Variants in ROBO2 observed in about 807,000 individuals in gnomAD.
ROBO2 encodes roundabout guidance receptor 2.
In ROBO2, 53 loss-of-function variants were observed where a neutral mutation model predicts 160.8. The observed-to-expected ratio is 0.33, with a 90% confidence interval of 0.26 to 0.41. The LOEUF (loss-of-function observed/expected upper bound fraction) is 0.41, where lower values mean the gene tolerates loss of function less well. ROBO2 is among the 10% of genes least tolerant of loss of function. ROBO2 has a pLI of 1.00. For missense variants in ROBO2, 1,577 were observed against 1,722.4 expected, an observed-to-expected ratio of 0.92 and a Z score of 1.49; for synonymous variants, 664 against 611.7, an observed-to-expected ratio of 1.09 and a Z score of -1.26.
chr3:76,940,930 T>C (rs2078145951), intron 2 of ROBO2, among the ~76,000 whole-genome samples: 1 of 152,244 alleles, frequency 6.6e-6, no homozygotes, highest in East Asian at 1.9e-4. Context: ...TGCTTGACTT[T>C]GGCATTTGAA....
chr3:77,397,907 A>G (rs2075428756), intron 2 of ROBO2, among the ~76,000 whole-genome samples: 2 of 152,116 alleles, frequency 1.3e-5, no homozygotes, highest in African/African-American at 4.8e-5. Flanking sequence ...TTAAAGAAAA[A>G]TTAGGAGCAA....
intron 19 of ROBO2, among the ~76,000 whole-genome samples, chr3:77,598,288 T>C (rs2094351283): frequency 2.0e-5 from 3 of 151,752 alleles, no homozygotes; most frequent in African/African-American, 7.3e-5. Flanking sequence ...AAGTTGTATT[T>C]CAAATAATGA....
intron 2 of ROBO2, among the ~76,000 whole-genome samples, chr3:76,413,330 C>A (rs1022672242): frequency 1.3e-5 from 2 of 152,222 alleles, no homozygotes; most frequent in Non-Finnish European, 2.9e-5. Flanking sequence ...GCTATGGACT[C>A]CTGCTACTTA....
chr3:77,470,625 A>G (rs1232109377), intron 2 of ROBO2, among the ~76,000 whole-genome samples: 1 of 152,232 alleles, frequency 6.6e-6, no homozygotes, highest in Non-Finnish European at 1.5e-5. Flanking sequence ...TAAAAGTGTC[A>G]TTATATGTGC....
chr3:76,284,030 C>A (rs980758014), intron 2 of ROBO2, among the ~76,000 whole-genome samples: 2 of 151,964 alleles, frequency 1.3e-5, no homozygotes, highest in Admixed American at 6.6e-5. Flanking sequence ...AAATAAATGA[C>A]CCTACCATTC....
chr3:75,969,793 C>G (rs1043013471), intron 2 of ROBO2, among the ~76,000 whole-genome samples: 1 of 151,502 alleles, frequency 6.6e-6, no homozygotes, highest in Non-Finnish European at 1.5e-5. Flanking sequence ...ATATCAACCC[C>G]TATCTGACAT....
intron 2 of ROBO2, among the ~76,000 whole-genome samples, chr3:77,443,728 A>T (rs2080188211): frequency 6.6e-6 from 1 of 152,168 alleles, no homozygotes; most frequent in Admixed American, 6.6e-5. Context: ...AAAAGACATT[A>T]AATCCTCTAA....
intron 2 of ROBO2, among the ~76,000 whole-genome samples, chr3:77,031,262 G>T (rs978460504): frequency 6.6e-6 from 1 of 151,896 alleles, no homozygotes; most frequent in Non-Finnish European, 1.5e-5. Context: ...AGAAATAGCC[G>T]TTTTTGTTTG....
chr3:76,579,541 A>G (rs574194076), intron 2 of ROBO2, among the ~76,000 whole-genome samples: 2 of 152,296 alleles, frequency 1.3e-5, no homozygotes, highest in South Asian at 4.1e-4. Flanking sequence ...AAAAAAACAC[A>G]TATCAAGTAT....
chr3:76,750,249 C>T (rs2093961182), intron 2 of ROBO2, among the ~76,000 whole-genome samples: 1 of 152,090 alleles, frequency 6.6e-6, no homozygotes, highest in Admixed American at 6.6e-5. Flanking sequence ...TTCAACAGTC[C>T]TTCATGCTAA....
intron 2 of ROBO2, among the ~76,000 whole-genome samples, chr3:76,141,058 TAC>T (rs1343698878): frequency 6.6e-5 from 3 of 45,446 alleles, no homozygotes; most frequent in Non-Finnish European, 1.3e-4. Context: ...TCTTTTTACA[TAC>T]ATATATATAT....
intron 2 of ROBO2, among the ~76,000 whole-genome samples, chr3:76,199,700 T>G (rs2107240474): frequency 6.6e-6 from 1 of 152,252 alleles, no homozygotes; most frequent in South Asian, 2.1e-4. Flanking sequence ...ACTCTGTCAA[T>G]AACTGTCAAC....
chr3:76,086,860 AAAG>A (rs1472875597), intron 2 of ROBO2, among the ~76,000 whole-genome samples: 2 of 152,158 alleles, frequency 1.3e-5, no homozygotes, highest in African/African-American at 4.8e-5. Flanking sequence ...AAAGAATCAA[AAAG>A]AAGTATTAGA....
At chr3:77,099,553 T>G (rs2071616984) in intron 2 of ROBO2, among the ~76,000 whole-genome samples, 1 of 152,214 alleles carries the variant, frequency 6.6e-6, no homozygotes, top group Non-Finnish European at 1.5e-5. Context: ...AATAGTTTTA[T>G]TTTTATAAAA....
intron 2 of ROBO2, among the ~76,000 whole-genome samples, chr3:76,290,872 T>C (rs1008267052): frequency 6.6e-6 from 1 of 152,136 alleles, no homozygotes; most frequent in Non-Finnish European, 1.5e-5. Context: ...GAAAGCCTAC[T>C]CGATTGTGGC....
chr3:76,300,324 G>A (rs1451272178), intron 2 of ROBO2, among the ~76,000 whole-genome samples: 1 of 150,962 alleles, frequency 6.6e-6, no homozygotes, highest in Admixed American at 6.6e-5. Flanking sequence ...ACATTAAATA[G>A]GTCTGTGTCA....
At chr3:77,506,131 C>T (rs969202049) in intron 5 of ROBO2, among the ~76,000 whole-genome samples, 1 of 152,122 alleles carries the variant, frequency 6.6e-6, no homozygotes, top group African/African-American at 2.4e-5. Flanking sequence ...AGCTTGTGCT[C>T]ATGGCTTATG....
intron 2 of ROBO2, among the ~76,000 whole-genome samples, chr3:76,416,781 C>T (rs867719256): frequency 3.3e-5 from 5 of 151,228 alleles, no homozygotes; most frequent in South Asian, 2.1e-4. Flanking sequence ...TCATCTGCGC[C>T]GTCAACTTTC....
intron 2 of ROBO2, among the ~76,000 whole-genome samples, chr3:77,426,678 CAGGAAGGAAGGA>C (rs142467400): frequency 0.046 from 5,509 of 119,880 alleles, 205 homozygotes; most frequent in South Asian, 0.16. Flanking sequence ...ATCATTTGGT[CAGGAAGGAAGGA>C]AGGAAGGAAG....
Sources: gnomAD v4.1 joint callset for allele counts (sites outside exome capture counted in the v4.1 genomes callset) on GRCh38, gnomAD v4.1.1 for gene constraint, MANE v1.5 for transcripts, NCBI Gene and HGNC (gene_info 2026-07-23, HGNC 2026-07-21) for gene names.